The following PTN variants were observed in gnomAD, a reference collection of about 807,000 sequenced individuals.
PTN encodes heparin affin regulatory protein.
PTN carries 18 observed loss-of-function variants against 24.1 expected under a neutral mutation model. That is an observed-to-expected ratio of 0.75 (90% confidence interval 0.52 to 1.11). The LOEUF is 1.11. PTN is among the 50% of genes least tolerant of loss of function. The pLI, the probability that PTN is intolerant of heterozygous loss-of-function variation, is 0.00. For missense variants in PTN, 163 were observed against 198.8 expected, an observed-to-expected ratio of 0.82 and a Z score of 1.08; for synonymous variants, 78 against 68.6, an observed-to-expected ratio of 1.14 and a Z score of -0.67.
chr7:137,245,082 A>G, intron 4 of PTN, among the ~76,000 whole-genome samples: 1 of 152,282 alleles, frequency 6.6e-6, no homozygotes. Flanking sequence ...AAAGAGTATG[A>G]TTTTCACACT....
chr7:137,332,144 A>G (rs1810369326), intron 1 of PTN, among the ~76,000 whole-genome samples: 1 of 152,248 alleles, frequency 6.6e-6, no homozygotes, highest in African/African-American at 2.4e-5. Context: ...TGCATGCATC[A>G]GTAACACTGT....
At chr7:137,326,084 T>C (rs1207876793) in intron 1 of PTN, 2 of 152,198 alleles carry the variant, frequency 1.3e-5, no homozygotes, top group African/African-American at 4.8e-5. Context: ...GGTACAGTAA[T>C]GGGACTAGAA....
intron 4 of PTN, among the ~76,000 whole-genome samples, chr7:137,249,840 TAG>T (rs1237002118): frequency 6.6e-6 from 1 of 152,116 alleles, no homozygotes; most frequent in African/African-American, 2.4e-5. Context: ...GCCTGAACCC[TAG>T]ACTCACCACC....
At chr7:137,263,120 T>C (rs1163210262) in intron 1 of PTN, among the ~76,000 whole-genome samples, 2 of 152,184 alleles carry the variant, frequency 1.3e-5, no homozygotes, top group Admixed American at 1.3e-4. Flanking sequence ...CTGAAGCATT[T>C]TGGTGAATCA....
In PTN at chr7:137,288,468, A is replaced by G. The variant is rs368487181; in HGVS notation, c.-1-33494T>C. ...ATGTTAAATGTGATTTGTAATTATT[A>G]TTTATGCTTTAAAGGATATCTGACT... On this transcript the variant is annotated intron_variant, in intron 1 of 4. Transcript: ENST00000348225. Among the ~76,000 whole-genome samples the G allele has an allele frequency of 1.1e-4, 16 of 152,302 alleles. No individual in the cohort carries two copies. The South Asian group carries it at 3.1e-3, about 30-fold the overall frequency.
At chr7:137,321,184 C>T (rs1421476498) in intron 1 of PTN, among the ~76,000 whole-genome samples, 3 of 152,154 alleles carry the variant, frequency 2.0e-5, no homozygotes. Context: ...CAAGCAAAGA[C>T]CCTGCATGTT....
At chr7:137,257,753 G>A (rs962733993) in intron 1 of PTN, among the ~76,000 whole-genome samples, 3 of 152,158 alleles carry the variant, frequency 2.0e-5, no homozygotes, top group South Asian at 4.1e-4. Context: ...AATATCAGAA[G>A]TATTTAGGTT....
chr7:137,286,549 ATAAAAG>A (rs1427291827), intron 1 of PTN, among the ~76,000 whole-genome samples: 3 of 152,220 alleles, frequency 2.0e-5, no homozygotes, highest in Non-Finnish European at 4.4e-5. Flanking sequence ...ATTAACACAT[ATAAAAG>A]TAAAACAGGA....
intron 4 of PTN, among the ~76,000 whole-genome samples, chr7:137,239,647 G>A (rs920694588): frequency 3.3e-5 from 5 of 151,806 alleles, no homozygotes; most frequent in African/African-American, 9.7e-5. Flanking sequence ...GAGAATATGC[G>A]GTGTTTGGTT....
intron 1 of PTN, among the ~76,000 whole-genome samples, chr7:137,314,740 G>T (rs953616993): frequency 6.6e-6 from 1 of 151,802 alleles, no homozygotes; most frequent in Non-Finnish European, 1.5e-5. Flanking sequence ...GATTACAGGT[G>T]CCCACCACCG....
chr7:137,273,419 A>G (rs1477361994), intron 1 of PTN, among the ~76,000 whole-genome samples: 2 of 152,174 alleles, frequency 1.3e-5, no homozygotes, highest in African/African-American at 2.4e-5. Flanking sequence ...AAAAGGTTTA[A>G]CTCACTCACA....
intron 1 of PTN, among the ~76,000 whole-genome samples, chr7:137,262,257 T>C (rs944369928): frequency 2.6e-5 from 4 of 152,204 alleles, no homozygotes; most frequent in African/African-American, 9.6e-5. Context: ...TTATCTCAAA[T>C]CCTTTTTATA....
intron 1 of PTN, among the ~76,000 whole-genome samples, chr7:137,341,777 C>A (rs1810537940): frequency 6.6e-6 from 1 of 152,072 alleles, no homozygotes; most frequent in Non-Finnish European, 1.5e-5. Context: ...AAAAGATCAC[C>A]TTCTATTTAT....
At chr7:137,277,953 A>G (rs1029515465) in intron 1 of PTN, among the ~76,000 whole-genome samples, 2 of 151,990 alleles carry the variant, frequency 1.3e-5, no homozygotes, top group Middle Eastern at 3.2e-3. Flanking sequence ...ATAGATAGAT[A>G]GATGCAACAG....
At chr7:137,246,297 G>C (rs1808722425) in intron 4 of PTN, among the ~76,000 whole-genome samples, 1 of 152,130 alleles carries the variant, frequency 6.6e-6, no homozygotes, top group South Asian at 2.1e-4. Context: ...GTAACATGCT[G>C]TATAGATTTG....
rs185446602 is a variant in PTN, at chr7:137,249,577, C to T, written c.451+1653G>A. ...TTTTCCTTTCAATTCTGTATTTATG[C>T]TGAATATTTTGGTTCTACAGCTGGA... On this transcript the variant is annotated intron_variant, in intron 4 of 4. Transcript: ENST00000348225. Among the ~76,000 whole-genome samples the T allele has an allele frequency of 2.3e-3, 351 of 152,114 alleles. 1 individual carries two copies. Among genetic ancestry groups the T allele is most frequent in the African/African-American group, 8.2e-3 (339 of 41,500 alleles).
chr7:137,275,708 T>C (rs922937819), intron 1 of PTN, among the ~76,000 whole-genome samples: 4 of 151,976 alleles, frequency 2.6e-5, no homozygotes, highest in Admixed American at 6.6e-5. Flanking sequence ...CTCTCTAGTA[T>C]TGGCAAGTTG....
intron 1 of PTN, among the ~76,000 whole-genome samples, chr7:137,340,215 G>C (rs1198834951): frequency 1.3e-5 from 2 of 152,094 alleles, no homozygotes; most frequent in Non-Finnish European, 2.9e-5. Flanking sequence ...AGAGATTTGT[G>C]GTGAATGTGA....
At chr7:137,292,627 G>A (rs1294499667) in intron 1 of PTN, among the ~76,000 whole-genome samples, 2 of 152,108 alleles carry the variant, frequency 1.3e-5, no homozygotes, top group Non-Finnish European at 2.9e-5. Flanking sequence ...TTTATTAGCA[G>A]CATGAGAACA....
Sources: gnomAD v4.1 joint callset for allele counts (sites outside exome capture counted in the v4.1 genomes callset) on GRCh38, gnomAD v4.1.1 for gene constraint, MANE v1.5 for transcripts, NCBI Gene and HGNC (gene_info 2026-07-23, HGNC 2026-07-21) for gene names.